Variants in DPH6 observed in about 807,000 individuals in gnomAD.
The protein encoded by DPH6 is diphthamine biosynthesis 6.
In DPH6, 33 loss-of-function variants were observed where a neutral mutation model predicts 38.2. That is an observed-to-expected ratio of 0.86 (90% CI 0.65 to 1.15). The LOEUF (loss-of-function observed/expected upper bound fraction) is 1.15, where lower values mean the gene tolerates loss of function less well. Ranked by LOEUF, DPH6 falls within the 50% of genes most tolerant of loss-of-function variation. The pLI, the probability that DPH6 is intolerant of heterozygous loss-of-function variation, is 0.00. For synonymous variants in DPH6, 108 were observed against 103.0 expected (o/e 1.05, Z -0.30); for missense variants, 325 against 320.0 (o/e 1.02, Z -0.12).
At chr15:35,282,770 C>A in intron 3 of DPH6, 2 of 342,890 alleles carry the variant, frequency 5.8e-6, no homozygotes, top group South Asian at 3.2e-5. Flanking sequence ...GTTGTCTAGT[C>A]ATCCCTTCCA....
chr15:35,337,763 A>G (rs1253479403), intron 3 of DPH6, among the ~76,000 whole-genome samples: 1 of 152,114 alleles, frequency 6.6e-6, no homozygotes, highest in Non-Finnish European at 1.5e-5. Flanking sequence ...GAGGTATCAC[A>G]CTACCTGACT....
At chr15:35,317,631 T>A (rs755016529) in intron 3 of DPH6, among the ~76,000 whole-genome samples, 19 of 148,244 alleles carry the variant, frequency 1.3e-4, no homozygotes, top group Non-Finnish European at 2.1e-4. Context: ...AATGGATACA[T>A]AGAAATTCAG....
the DPH6 span, among the ~76,000 whole-genome samples, chr15:35,170,601 T>C: frequency 2.0e-5 from 3 of 152,154 alleles, no homozygotes; most frequent in Non-Finnish European, 4.4e-5. Context: ...TATTCACTAA[T>C]ATGCATGTAT....
chr15:35,273,990 T>C (rs2051840397), intron 3 of DPH6, among the ~76,000 whole-genome samples: 1 of 152,166 alleles, frequency 6.6e-6, no homozygotes, highest in Non-Finnish European at 1.5e-5. Flanking sequence ...GGATCCTACC[T>C]GACTTCAAAC....
rs184428559 is a variant in DPH6, at chr15:35,444,098, A to T, written c.505+6587T>A. Among the ~76,000 whole-genome samples, 199 of 152,262 alleles carry T rather than the reference A, an allele frequency of 1.3e-3. 1 individual carries two copies. The highest frequency in any genetic ancestry group is 6.6e-4 in the Non-Finnish European group (45 of 67,998). ...ACATGAGGTCAACTAGAATCACAAT[A>T]CCATTCTCTGTTTCTTCCCAACAAA... On this transcript the variant is annotated intron_variant, in intron 5 of 8. Coordinates refer to ENST00000256538, the MANE Select transcript of DPH6 (RefSeq NM_080650.4).
the DPH6 span, among the ~76,000 whole-genome samples, chr15:35,163,494 G>A: frequency 2.6e-5 from 4 of 151,852 alleles, no homozygotes; most frequent in African/African-American, 7.2e-5. Flanking sequence ...TTTTCATTCC[G>A]CTGTAAAAAT....
At chr15:35,246,446 C>A (rs1350916931) in intron 3 of DPH6, among the ~76,000 whole-genome samples, 1 of 152,198 alleles carries the variant, frequency 6.6e-6, no homozygotes, top group East Asian at 1.9e-4. Context: ...TAGTCCCCAT[C>A]TCCCCATTTC....
chr15:35,309,989 C>G (rs1258221910), intron 3 of DPH6, among the ~76,000 whole-genome samples: 3 of 152,064 alleles, frequency 2.0e-5, no homozygotes, highest in African/African-American at 7.2e-5. Context: ...AACTTTTGGG[C>G]CTAGAAGAAA....
At chr15:35,374,488 C>T (rs1442311521) in intron 7 of DPH6, among the ~76,000 whole-genome samples, 2 of 151,848 alleles carry the variant, frequency 1.3e-5, no homozygotes, top group East Asian at 1.9e-4. Context: ...CAAAGTTACT[C>T]GGTGGCAATA....
intron 3 of DPH6, among the ~76,000 whole-genome samples, chr15:35,285,862 T>G (rs2051937376): frequency 7.3e-6 from 1 of 136,530 alleles, no homozygotes; most frequent in African/African-American, 2.7e-5. Flanking sequence ...AATTATCATT[T>G]TATCTTTGAG....
chr15:35,515,125 C>A (rs1471354419), intron 3 of DPH6, among the ~76,000 whole-genome samples: 2 of 147,524 alleles, frequency 1.4e-5, no homozygotes, highest in African/African-American at 2.6e-5. Context: ...CTGAAACACA[C>A]TAAGGTTAAA....
At chr15:35,295,740 T>C (rs1447714505) in intron 3 of DPH6, among the ~76,000 whole-genome samples, 3 of 152,164 alleles carry the variant, frequency 2.0e-5, no homozygotes, top group Non-Finnish European at 4.4e-5. Flanking sequence ...TAAAAATCAA[T>C]TTAATGAGTT....
At chr15:35,436,186 G>A (rs575022376) in intron 5 of DPH6, among the ~76,000 whole-genome samples, 1 of 152,140 alleles carries the variant, frequency 6.6e-6, no homozygotes, top group African/African-American at 2.4e-5. Context: ...CTTCTTTCCT[G>A]CTGGGCGCGG....
chr15:35,309,735 T>C (rs2140821356), intron 3 of DPH6, among the ~76,000 whole-genome samples: 1 of 152,378 alleles, frequency 6.6e-6, no homozygotes, highest in South Asian at 2.1e-4. Context: ...TTGTTTATTT[T>C]CTGAACAGTG....
At chr15:35,163,308 C>T in the DPH6 span, among the ~76,000 whole-genome samples, 1 of 151,950 alleles carries the variant, frequency 6.6e-6, no homozygotes, top group Admixed American at 6.6e-5. Context: ...AATTCCAATA[C>T]TGATTCCCCA....
chr15:35,473,906 T>C lies in DPH6; in HGVS notation c.313-19086A>G, dbSNP rs549699381. Among the ~76,000 whole-genome samples the C allele has an allele frequency of 3.4e-5, 5 of 148,426 alleles. No individual in the cohort carries two copies. In the East Asian group the frequency reaches 9.9e-4, roughly 29 times the overall value. Reference sequence around the variant, plus strand: ...ACAAAAAAGGCAAGCGATAGAACACTGTGCACAGTGTGTGTGTGTGTGTGT... The same window carrying C: ...ACAAAAAAGGCAAGCGATAGAACACCGTGCACAGTGTGTGTGTGTGTGTGT... On this transcript the variant is annotated intron_variant, in intron 3 of 8. Coordinates refer to ENST00000256538, the MANE Select transcript of DPH6 (RefSeq NM_080650.4).
rs555593211 is a variant in DPH6, at chr15:35,280,588, T to C, written n.201-60006A>G. Among the ~76,000 whole-genome samples the C allele has an allele frequency of 1.2e-4, 19 of 152,334 alleles. 1 individual carries two copies. The South Asian group carries it at 3.9e-3, about 32-fold the overall frequency. ...AATGATAATAATGCAAATGTGAAAT[T>C]TGGATTACTCCATATTAGGTTTTCA... On this transcript the variant is annotated intron_variant and non_coding_transcript_variant, in intron 3 of 3. Transcript: ENST00000560386.
intron 6 of DPH6, among the ~76,000 whole-genome samples, chr15:35,406,915 G>A (rs994109196): frequency 6.6e-6 from 1 of 151,980 alleles, no homozygotes; most frequent in Admixed American, 6.6e-5. Context: ...GAAGTCATGG[G>A]ACTATTTCAG....
the DPH6 span, among the ~76,000 whole-genome samples, chr15:35,178,631 G>C: frequency 6.6e-6 from 1 of 152,098 alleles, no homozygotes; most frequent in Non-Finnish European, 1.5e-5. Context: ...TAATATCCTG[G>C]CAAATATTGT....
Sources: allele counts gnomAD v4.1 joint callset (sites outside exome capture counted in the v4.1 genomes callset), GRCh38; gene constraint gnomAD v4.1.1; transcripts MANE v1.5; gene names NCBI Gene and HGNC (gene_info 2026-07-23, HGNC 2026-07-21).